MMS22L: variants seen among roughly 807,000 people sequenced by gnomAD.
MMS22L encodes protein MMS22-like.
MMS22L carries 74 observed loss-of-function variants against 159.1 expected under a neutral mutation model. The observed-to-expected ratio is 0.47, with a 90% CI of 0.39 to 0.56. The LOEUF (loss-of-function observed/expected upper bound fraction) is 0.56. Among genes scored for constraint, MMS22L ranks in the 20% least tolerant of loss-of-function variants. The pLI, the probability that MMS22L is intolerant of heterozygous loss-of-function variation, is 0.00. For synonymous variants in MMS22L, 517 were observed against 506.9 expected (o/e 1.02, Z -0.27); for missense variants, 1,351 against 1,422.1 (o/e 0.95, Z 0.80).
chr6:97,279,093 T>C (rs1458184614), intron 3 of MMS22L, among the ~76,000 whole-genome samples, 195 bp from the exon 4 acceptor site: 1 of 152,208 alleles, frequency 6.6e-6, no homozygotes, highest in Non-Finnish European at 1.5e-5. Context: ...AATACATCTT[T>C]GCCTGACCTT....
intron 11 of MMS22L, among the ~76,000 whole-genome samples, chr6:97,234,461 C>T (rs572458838): frequency 6.6e-6 from 1 of 152,172 alleles, no homozygotes; most frequent in African/African-American, 2.4e-5. Flanking sequence ...TAGGAGATAA[C>T]AGGAGGAAAA....
chr6:97,164,867 C>T (rs1802808202), intron 21 of MMS22L, among the ~76,000 whole-genome samples: 1 of 152,112 alleles, frequency 6.6e-6, no homozygotes, highest in African/African-American at 2.4e-5. Context: ...AATCCACCCA[C>T]CTCTGCCTCC....
At chr6:97,228,854 T>C (rs749437431) in intron 14 of MMS22L, 40 bp downstream of exon 14, 2 of 1,543,132 alleles carry the variant, frequency 1.3e-6, no homozygotes, top group Non-Finnish European at 1.7e-6. Flanking sequence ...AGTAATTATA[T>C]AAAACAAATC....
intron 9 of MMS22L, chr6:97,261,041 C>T (rs77664237): frequency 1.3e-5 from 2 of 152,098 alleles, no homozygotes; most frequent in Non-Finnish European, 2.9e-5. Context: ...TTTTATGTTT[C>T]TTTCTTATCA....
intron 14 of MMS22L, among the ~76,000 whole-genome samples, chr6:97,191,868 A>T (rs1805899431): frequency 6.6e-6 from 1 of 152,220 alleles, no homozygotes; most frequent in Admixed American, 6.5e-5. Flanking sequence ...AAAAACAAAA[A>T]ATCCCTGAAA....
At chr6:97,282,631 G>A (rs1816866140) in intron 1 of MMS22L, 78 bp from the exon 2 acceptor site, 1 of 507,594 alleles carries the variant, frequency 2.0e-6, no homozygotes, top group Non-Finnish European at 3.4e-6. Context: ...CAGCAGGAAG[G>A]AAAAACAAAC....
rs541601184 is a variant in MMS22L at position 97,184,912 on chromosome 6, A to T, written c.2233+1585T>A. Among the ~76,000 whole-genome samples the T allele has an allele frequency of 3.9e-5, 6 of 152,256 alleles. No homozygotes were observed. The South Asian group carries it at 1.2e-3, about 32-fold the overall frequency. ...GTCTTTATAACCACTTACAAGGCAGAACACAAACTAGCTCTCCATTACCTC... is the reference window on the plus strand; with the variant it reads ...GTCTTTATAACCACTTACAAGGCAGTACACAAACTAGCTCTCCATTACCTC... On this transcript the variant is annotated intron_variant, in intron 15 of 24. Coordinates refer to ENST00000683635, the MANE Select transcript of MMS22L (RefSeq NM_001350599.2).
At chr6:97,236,315 T>A (rs1315035090) in intron 11 of MMS22L, among the ~76,000 whole-genome samples, 8 of 109,632 alleles carry the variant, frequency 7.3e-5, no homozygotes, top group African/African-American at 2.2e-4. Context: ...AGAGTGACAC[T>A]CTTTCTCCAA....
intron 11 of MMS22L, among the ~76,000 whole-genome samples, chr6:97,237,236 G>A (rs185422598): frequency 5.3e-5 from 8 of 152,244 alleles, no homozygotes; most frequent in Admixed American, 3.9e-4. Context: ...AGGACAGTTC[G>A]ATTATACCCA....
At chr6:97,249,448 G>A (rs1193435998) in intron 10 of MMS22L, among the ~76,000 whole-genome samples, 1 of 152,156 alleles carries the variant, frequency 6.6e-6, no homozygotes, top group Non-Finnish European at 1.5e-5. Context: ...TGCAACTGGT[G>A]TCAGAAGTAA....
At chr6:97,230,055 T>C (rs1261103604) in intron 13 of MMS22L, among the ~76,000 whole-genome samples, 1 of 152,170 alleles carries the variant, frequency 6.6e-6, no homozygotes, top group Non-Finnish European at 1.5e-5. Flanking sequence ...TTGAAAACAA[T>C]TCATCTGAAT....
Position 97,182,027 on chromosome 6 carries a change from G to C in MMS22L, c.2261C>G (p.Pro754Arg). 1 of 1,612,254 alleles carries C rather than the reference G, an allele frequency of 6.2e-7. No individual in the cohort carries two copies. The highest frequency in any genetic ancestry group is 8.5e-7 in the Non-Finnish European group (1 of 1,179,316). The change falls in exon 16 of 25, where the codon CCA becomes CGA. Residue 754 changes from proline to arginine, a missense_variant. Coordinates refer to ENST00000683635, the MANE Select transcript of MMS22L (RefSeq NM_001350599.2). ...ADFTLLAMDM[P>R]STAPSDFQPQ... Reference sequence around the variant, plus strand: ...CTGAAAATCTGATGGAGCTGTGCTTGGCATGTCCATTGCTAGCAAAGTAAA... The same window carrying C: ...CTGAAAATCTGATGGAGCTGTGCTTCGCATGTCCATTGCTAGCAAAGTAAA...
At chr6:97,166,725 G>A (rs1414475927) in intron 20 of MMS22L, among the ~76,000 whole-genome samples, 1 of 152,084 alleles carries the variant, frequency 6.6e-6, no homozygotes, top group Non-Finnish European at 1.5e-5. Context: ...CACTTACGAA[G>A]CTTAAGAGAA....
At chr6:97,194,246 C>T (rs946654843) in intron 14 of MMS22L, among the ~76,000 whole-genome samples, 3 of 151,718 alleles carry the variant, frequency 2.0e-5, no homozygotes, top group Admixed American at 6.6e-5. Context: ...TTAGTAAAGA[C>T]GGGGTTTCAT....
intron 6 of MMS22L, 105 bp downstream of exon 6, chr6:97,272,599 A>G (rs1186285458): frequency 4.0e-6 from 4 of 1,009,206 alleles, no homozygotes; most frequent in Non-Finnish European, 5.8e-6. Context: ...TCAGGCAGTC[A>G]GGTTCCAGAG....
chr6:97,205,004 C>T (rs1391968109), intron 14 of MMS22L, among the ~76,000 whole-genome samples: 7 of 129,300 alleles, frequency 5.4e-5, no homozygotes, highest in African/African-American at 1.2e-4. Flanking sequence ...AGTGCAATGG[C>T]GCGATCACAG....
intron 19 of MMS22L, among the ~76,000 whole-genome samples, chr6:97,172,541 G>A (rs753061041): frequency 1.3e-5 from 2 of 152,144 alleles, no homozygotes; most frequent in Non-Finnish European, 2.9e-5. Flanking sequence ...CCTAAAGAAA[G>A]ATAAACTCCA....
chr6:97,183,851 C>T (rs1206173), intron 15 of MMS22L, among the ~76,000 whole-genome samples: 67,945 of 151,916 alleles, frequency 0.45, 15,361 homozygotes, highest in South Asian at 0.53. Context: ...TGGAGCATTC[C>T]TGTCAGCATT....
Position 97,162,096 on chromosome 6 carries a change from G to C in MMS22L, c.3291C>G (p.Leu1097=). 1 of 1,612,300 alleles carries C rather than the reference G, an allele frequency of 6.2e-7. No individual in the cohort carries two copies. The highest frequency in any genetic ancestry group is 2.2e-5 in the East Asian group (1 of 44,808). Residue 1097 remains leucine (L), a synonymous_variant, in exon 22 of 25, where the codon CTC becomes CTG. Coordinates refer to ENST00000683635, the MANE Select transcript of MMS22L (RefSeq NM_001350599.2). The part of the protein sequence containing the change: ...PRLASILAFI[L]QLFKETNTDI... ...CTGTGTTAGTTTCCTTGAAGAGTTG[G>C]AGGATGAAGGCCAGAATGGATGCTA...
Sources: gnomAD v4.1 joint callset for allele counts (sites outside exome capture counted in the v4.1 genomes callset) on GRCh38, gnomAD v4.1.1 for gene constraint, MANE v1.5 for transcripts, NCBI Gene and HGNC (gene_info 2026-07-23, HGNC 2026-07-21) for gene names.